The following SCARB1 variants were observed in gnomAD, a reference collection of about 807,000 sequenced individuals.
SCARB1 encodes the protein CD36 and LIMPII analogous 1.
In SCARB1, 30 loss-of-function variants were observed where a neutral mutation model predicts 57.2. That is an observed-to-expected ratio of 0.52 (90% CI 0.39 to 0.71). The LOEUF (loss-of-function observed/expected upper bound fraction) is 0.71. SCARB1 is among the 30% of genes least tolerant of loss of function. SCARB1 has a pLI of 0.00. For missense variants in SCARB1, 543 were observed against 671.2 expected (o/e 0.81, Z 2.11); for synonymous variants, 249 against 268.3 (o/e 0.93, Z 0.70).
In SCARB1 at chr12:124,863,740, A is replaced by AC; in HGVS notation, c.-21dup. 1 of 1,443,080 alleles carries AC rather than the reference A, an allele frequency of 6.9e-7. No individual in the cohort carries two copies. The highest frequency in any genetic ancestry group is 9.1e-7 in the Non-Finnish European group (1 of 1,096,916). 89.4% of individuals were successfully genotyped at this position (1,443,080 alleles called of 1,614,324 possible). A position where few individuals can be genotyped will look rare whatever the true frequency, so the allele number is the denominator to read the frequency against. On this transcript the variant is annotated 5_prime_UTR_variant, in exon 1 of 13. Coordinates refer to ENST00000261693, the MANE Select transcript of SCARB1 (RefSeq NM_005505.5). ...GCCCATGTCTGCGCGCCTGGGGCCC[A>AC]CCCGCGGCTCGCAGGGCTCCGCGCC...
intron 1 of SCARB1, among the ~76,000 whole-genome samples, chr12:124,832,184 T>C (rs1192493059): frequency 6.6e-6 from 1 of 152,204 alleles, no homozygotes; most frequent in East Asian, 1.9e-4. Context: ...CTGTGGGATA[T>C]GTGGGAACTC....
chr12:124,818,717 C>T (rs1950832158), intron 1 of SCARB1, among the ~76,000 whole-genome samples: 1 of 74,124 alleles, frequency 1.3e-5, no homozygotes, highest in African/African-American at 2.8e-5. Flanking sequence ...GCGATCTCGG[C>T]TCACCGAAAC....
intron 1 of SCARB1, 70 bp downstream of exon 1, chr12:124,863,525 G>T (rs1438585575): frequency 2.0e-6 from 3 of 1,529,246 alleles, no homozygotes; most frequent in East Asian, 2.5e-5. Context: ...GCAACGCGCG[G>T]GTCCTCCCGG....
At chr12:124,847,147 T>G (rs1218557292) in intron 1 of SCARB1, among the ~76,000 whole-genome samples, 2 of 152,226 alleles carry the variant, frequency 1.3e-5, no homozygotes, top group Non-Finnish European at 2.9e-5. Flanking sequence ...TACACTTTCC[T>G]CAAAGTGAGC....
At chr12:124,806,328 G>C (rs1176107706) in intron 7 of SCARB1, among the ~76,000 whole-genome samples, 1 of 152,134 alleles carries the variant, frequency 6.6e-6, no homozygotes, top group Admixed American at 6.6e-5. Flanking sequence ...ACGCCCGAGG[G>C]TCCAAACTGA....
chr12:124,860,991 G>A (rs570188077), intron 1 of SCARB1, among the ~76,000 whole-genome samples: 1 of 152,264 alleles, frequency 6.6e-6, no homozygotes, highest in Admixed American at 6.5e-5. Flanking sequence ...CTGGTACACA[G>A]AAAAGGGTCT....
intron 9 of SCARB1, among the ~76,000 whole-genome samples, chr12:124,790,465 A>G (rs1949685300): frequency 6.6e-6 from 1 of 152,174 alleles, no homozygotes; most frequent in Non-Finnish European, 1.5e-5. Flanking sequence ...GAAGCTGTAA[A>G]CGGCAAGGCA....
chr12:124,803,203 G>A (rs982686891), intron 7 of SCARB1, among the ~76,000 whole-genome samples: 1 of 152,204 alleles, frequency 6.6e-6, no homozygotes, highest in Non-Finnish European at 1.5e-5. Flanking sequence ...TGGGAGGACC[G>A]CGAGTGGCAT....
intron 1 of SCARB1, among the ~76,000 whole-genome samples, chr12:124,840,902 C>T (rs1594361471): frequency 6.6e-6 from 1 of 152,222 alleles, no homozygotes; most frequent in Non-Finnish European, 1.5e-5. Context: ...GGCGTGGTGG[C>T]TCACACCTGT....
intron 1 of SCARB1, among the ~76,000 whole-genome samples, chr12:124,819,610 C>T (rs1046657154): frequency 1.3e-5 from 2 of 152,300 alleles, no homozygotes; most frequent in South Asian, 2.1e-4. Flanking sequence ...GCCCACACCA[C>T]GTCAGAGCCC....
chr12:124,846,142 G>C (rs908483090), intron 1 of SCARB1, among the ~76,000 whole-genome samples: 11 of 152,326 alleles, frequency 7.2e-5, no homozygotes, highest in African/African-American at 2.4e-4. Context: ...ACTTGGGAGG[G>C]ATGGAAATGT....
intron 1 of SCARB1, among the ~76,000 whole-genome samples, chr12:124,843,324 G>A (rs1473240002): frequency 6.6e-6 from 1 of 151,654 alleles, no homozygotes; most frequent in Non-Finnish European, 1.5e-5. Flanking sequence ...ACCCAGGCTG[G>A]TCTTGAACTC....
rs1420602168 is a variant in SCARB1, at chr12:124,810,024, G to GT, written c.842+149dup. Reference sequence around the variant, plus strand: ...GGCAGCTGGAGTTTGGCTTTTGGTGGTGTGACCAAAGAGAATTCAAGCTGG... The same window carrying GT: ...GGCAGCTGGAGTTTGGCTTTTGGTGGTTGTGACCAAAGAGAATTCAAGCTGG... On this transcript the variant is annotated intron_variant, in intron 6 of 12. Coordinates refer to ENST00000261693, the MANE Select transcript of SCARB1 (RefSeq NM_005505.5). This position sits in a 1 kb window ranked among gnomAD's most constrained non-coding sequence, Gnocchi z 4.0. 1.5e-6 allele frequency: 1 copy of GT among 671,800 alleles called. No individual in the cohort carries two copies. Among genetic ancestry groups the GT allele is most frequent in the Non-Finnish European group, 2.7e-6 (1 of 367,628 alleles). The allele number at this position is 671,800 out of a possible 1,614,324, so 41.6% of individuals were successfully genotyped here. A position where few individuals can be genotyped will look rare whatever the true frequency, so the allele number is the denominator to read the frequency against.
chr12:124,834,093 GGCTAAGC>G (rs1951531228), intron 1 of SCARB1, among the ~76,000 whole-genome samples: 1 of 152,204 alleles, frequency 6.6e-6, no homozygotes, highest in African/African-American at 2.4e-5. Flanking sequence ...CCCTGAAAAG[GGCTAAGC>G]CAGCTTCATC....
chr12:124,811,816 G>T, intron 5 of SCARB1, 54 bp downstream of exon 5: 1 of 1,298,848 alleles, frequency 7.7e-7, no homozygotes, highest in East Asian at 2.5e-5. Flanking sequence ...AGCCATGGCC[G>T]GGCCCACCCT....
At chr12:124,821,812 T>A (rs1950966974) in intron 1 of SCARB1, among the ~76,000 whole-genome samples, 1 of 152,142 alleles carries the variant, frequency 6.6e-6, no homozygotes, top group South Asian at 2.1e-4. Flanking sequence ...CCACCCGGGT[T>A]AAGGGATGGA....
In SCARB1 at chr12:124,778,516, G is replaced by A. The variant is rs778984496; in HGVS notation, c.*71C>T. On this transcript the variant is annotated 3_prime_UTR_variant, in exon 13 of 13. Coordinates refer to ENST00000261693, the MANE Select transcript of SCARB1 (RefSeq NM_005505.5). ...TCCGCTGGGAGAGTCCGGGAGAAGCGGGGTGTAGGGGCTGGGGGGCCGGTC... is the reference window on the plus strand; with the variant it reads ...TCCGCTGGGAGAGTCCGGGAGAAGCAGGGTGTAGGGGCTGGGGGGCCGGTC... The A allele has an allele frequency of 4.2e-5, 58 of 1,365,162 alleles. No homozygotes were observed. Among genetic ancestry groups the A allele is most frequent in the Non-Finnish European group, 4.9e-5 (52 of 1,057,790 alleles). 84.6% of individuals were successfully genotyped at this position (1,365,162 alleles called of 1,614,324 possible).
intron 1 of SCARB1, among the ~76,000 whole-genome samples, chr12:124,832,238 C>T (rs1243016255): frequency 6.6e-6 from 1 of 152,204 alleles, no homozygotes; most frequent in African/African-American, 2.4e-5. Context: ...CTGTTCTAGG[C>T]CGGGCGCGGT....
chr12:124,821,984 A>T (rs1331830857), intron 1 of SCARB1, among the ~76,000 whole-genome samples: 1 of 152,186 alleles, frequency 6.6e-6, no homozygotes, highest in Non-Finnish European at 1.5e-5. Context: ...TGGCCCTGGA[A>T]CACAGAGTTG....
Sources: allele counts gnomAD v4.1 joint callset (sites outside exome capture counted in the v4.1 genomes callset), GRCh38; gene constraint gnomAD v4.1.1; non-coding constraint Gnocchi (gnomAD v3.1); transcripts MANE v1.5; gene names NCBI Gene and HGNC (gene_info 2026-07-23, HGNC 2026-07-21).